The following CYP4Z1 variants were observed in gnomAD, a reference collection of about 807,000 sequenced individuals.
CYP4Z1 encodes the protein cytochrome P450 4Z1.
CYP4Z1 carries 41 observed loss-of-function variants against 54.2 expected under a neutral mutation model. The observed-to-expected ratio is 0.76, with a 90% CI of 0.59 to 0.98. CYP4Z1 has a LOEUF of 0.98. CYP4Z1 is among the 50% of genes least tolerant of loss of function. The pLI, the probability that CYP4Z1 is intolerant of heterozygous loss-of-function variation, is 0.00. For synonymous variants in CYP4Z1, 163 were observed against 206.2 expected, an observed-to-expected ratio of 0.79 and a Z score of 1.79; for missense variants, 513 against 599.0, an observed-to-expected ratio of 0.86 and a Z score of 1.50.
At chr1:47,057,335 AATAT>A in the CYP4Z1 span, among the ~76,000 whole-genome samples, 16 of 28,440 alleles carry the variant, frequency 5.6e-4, no homozygotes, top group African/African-American at 8.2e-4. Flanking sequence ...AAGAAAAAAA[AATAT>A]ATATATATAT....
At chr1:47,116,880 T>C (rs2148544355) in intron 11 of CYP4Z1, 148 bp downstream of exon 11, 1 of 581,596 alleles carries the variant, frequency 1.7e-6, no homozygotes, top group Non-Finnish European at 3.0e-6. Context: ...CCAGTGCATT[T>C]AGTTGGTACC....
upstream of CYP4Z1, among the ~76,000 whole-genome samples, chr1:47,064,554 T>C (rs1298264552): frequency 6.6e-6 from 1 of 152,060 alleles, no homozygotes; most frequent in Non-Finnish European, 1.5e-5. Context: ...GCTCTAAATC[T>C]TGAAACAAAT....
rs375117245 is a variant in CYP4Z1 at position 47,106,109 on chromosome 1, C to G, written c.1068-19C>G. 4.4e-6 allele frequency: 7 copies of G among 1,605,622 alleles called. No homozygotes were observed. The African/African-American group carries it at 9.4e-5, about 22-fold the overall frequency. ...AGTGACTACTCCTCCTTTTCCTTTC[C>G]TCCTGTGCTTCTACCCAGGGAACAC... On this transcript the variant is annotated intron_variant, in intron 8 of 11. Coordinates refer to ENST00000334194, the MANE Select transcript of CYP4Z1 (RefSeq NM_178134.3).
At chr1:47,058,689 CCTGA>C in the CYP4Z1 span, among the ~76,000 whole-genome samples, 1 of 152,030 alleles carries the variant, frequency 6.6e-6, no homozygotes, top group Non-Finnish European at 1.5e-5. Flanking sequence ...CATGTATATT[CCTGA>C]CTACTACCAA....
chr1:47,099,416 G>C (rs1012709692), intron 8 of CYP4Z1, 132 bp downstream of exon 8: 2 of 791,146 alleles, frequency 2.5e-6, no homozygotes, highest in East Asian at 2.8e-5. Context: ...GTGTAGGCTA[G>C]AGTCCTACGT....
chr1:47,067,276 T>A lies in CYP4Z1; in HGVS notation c.-215T>A, dbSNP rs901159907. ...GCACATGGCTCCTATCTGAAAATCTTGTTCTTCTAGAATCCAGGTCTGCTG... is the reference window on the plus strand; with the variant it reads ...GCACATGGCTCCTATCTGAAAATCTAGTTCTTCTAGAATCCAGGTCTGCTG... On this transcript the variant is annotated 5_prime_UTR_variant, in exon 1 of 12. An upstream open reading frame in the 5' UTR gains an earlier in-frame stop. Coordinates refer to ENST00000334194, the MANE Select transcript of CYP4Z1 (RefSeq NM_178134.3). Among the ~76,000 whole-genome samples, 3 of 152,198 alleles carry A rather than the reference T, an allele frequency of 2.0e-5. No individual in the cohort carries two copies. Among genetic ancestry groups the A allele is most frequent in the African/African-American group, 7.2e-5 (3 of 41,456 alleles).
chr1:47,089,936 T>A (rs532685817), intron 6 of CYP4Z1, among the ~76,000 whole-genome samples: 27 of 152,286 alleles, frequency 1.8e-4, no homozygotes, highest in Non-Finnish European at 3.2e-4. Context: ...AAATATGATA[T>A]TGGATGCTAA....
chr1:47,101,315 T>C, intron 8 of CYP4Z1, among the ~76,000 whole-genome samples: 1 of 150,892 alleles, frequency 6.6e-6, no homozygotes, highest in South Asian at 2.1e-4. Flanking sequence ...TTCCTGTTTT[T>C]CTACTTCCTA....
At chr1:47,087,841 T>C (rs941141581) in intron 6 of CYP4Z1, among the ~76,000 whole-genome samples, 1 of 152,224 alleles carries the variant, frequency 6.6e-6, no homozygotes, top group Non-Finnish European at 1.5e-5. Flanking sequence ...TTGTCATAAA[T>C]AGCTCTTATT....
At chr1:47,060,107 C>T in the CYP4Z1 span, among the ~76,000 whole-genome samples, 6 of 151,854 alleles carry the variant, frequency 4.0e-5, no homozygotes. Flanking sequence ...AATTCATTTA[C>T]ATTTTTAAAT....
Position 47,084,849 on chromosome 1 carries a change from G to A in CYP4Z1, c.643G>A (p.Val215Met). Reference protein sequence around the residue: ...DSTLDSYLKAVFNLSKISNQR... With the variant: ...DSTLDSYLKAMFNLSKISNQR... ...TACCCTGGACTCATACCTGAAAGCA[G>A]TGTTCAACCTTAGCAAAATCTCCAA... Residue 215 changes from valine to methionine, a missense_variant, in exon 6 of 12, where the codon GTG (valine) becomes ATG (methionine). Transcript: ENST00000334194. The A allele has an allele frequency of 3.9e-6, 6 of 1,519,524 alleles. No homozygotes were observed. In the South Asian group the frequency reaches 8.0e-5, roughly 20 times the overall value. The allele number at this position is 1,519,524 out of a possible 1,614,324, so 94.1% of individuals were successfully genotyped here. A position where few individuals can be genotyped will look rare whatever the true frequency, so the allele number is the denominator to read the frequency against.
intron 10 of CYP4Z1, among the ~76,000 whole-genome samples, chr1:47,116,113 C>T (rs1440383851): frequency 2.6e-5 from 4 of 152,200 alleles, no homozygotes; most frequent in East Asian, 3.9e-4. Context: ...TGCAAACCAG[C>T]GCTCAGACCA....
intron 6 of CYP4Z1, among the ~76,000 whole-genome samples, chr1:47,092,102 C>T (rs1489434277): frequency 6.6e-6 from 1 of 151,998 alleles, no homozygotes; most frequent in African/African-American, 2.4e-5. Flanking sequence ...TGACCTCCAC[C>T]TCTGGGGGCA....
upstream of CYP4Z1, among the ~76,000 whole-genome samples, chr1:47,064,061 G>T (rs1202468363): frequency 6.8e-6 from 1 of 146,754 alleles, no homozygotes; most frequent in Non-Finnish European, 1.5e-5. Context: ...AACCCTACAA[G>T]TTAGAAGGGA....
At chr1:47,092,217 G>A (rs1268939148) in intron 6 of CYP4Z1, among the ~76,000 whole-genome samples, 1 of 152,036 alleles carries the variant, frequency 6.6e-6, no homozygotes, top group East Asian at 1.9e-4. Context: ...AGAAACTAGC[G>A]GATGCAACTT....
the CYP4Z1 span, among the ~76,000 whole-genome samples, chr1:47,059,369 T>C: frequency 6.6e-6 from 1 of 152,218 alleles, no homozygotes; most frequent in African/African-American, 2.4e-5. Context: ...TTTTGTGTTC[T>C]GTGGTTGAAT....
chr1:47,082,545 C>T lies in CYP4Z1; in HGVS notation c.492+84C>T, dbSNP rs1569713727. On this transcript the variant is annotated intron_variant, in intron 4 of 11. Transcript: ENST00000334194. The stretch of plus-strand genomic sequence containing the variant: ...TGGTGTGGGAGACTCTGAGTTCCCT[C>T]AGAACCATGTTCACAGCAGTTTATA... 2.6e-6 allele frequency: 4 copies of T among 1,537,920 alleles called. No homozygotes were observed. The East Asian group carries it at 9.2e-5, about 35-fold the overall frequency.
At chr1:47,077,754 G>T (rs974220442) in intron 2 of CYP4Z1, among the ~76,000 whole-genome samples, 2 of 151,514 alleles carry the variant, frequency 1.3e-5, no homozygotes, top group Admixed American at 1.3e-4. Flanking sequence ...CTGAGCAGTT[G>T]GAACTACAGG....
the CYP4Z1 span, among the ~76,000 whole-genome samples, chr1:47,061,001 A>G: frequency 1.3e-5 from 2 of 152,330 alleles, no homozygotes; most frequent in South Asian, 4.1e-4. Context: ...CTTTGAAACT[A>G]ATAAGAACAA....
Sources: allele counts gnomAD v4.1 joint callset (sites outside exome capture counted in the v4.1 genomes callset), GRCh38; gene constraint gnomAD v4.1.1; transcripts MANE v1.5; gene names NCBI Gene and HGNC (gene_info 2026-07-23, HGNC 2026-07-21).